SLC8A1: variants seen among roughly 807,000 people sequenced by gnomAD.
SLC8A1 encodes the protein sodium/calcium exchanger 1.
In SLC8A1, 18 loss-of-function variants were observed where a neutral mutation model predicts 68.3. The observed-to-expected ratio is 0.26, with a 90% CI of 0.18 to 0.39. SLC8A1 has a LOEUF of 0.39. SLC8A1 is among the 10% of genes least tolerant of loss of function. The pLI, the probability that SLC8A1 is intolerant of heterozygous loss-of-function variation, is 1.00. For missense variants in SLC8A1, 985 were observed against 1,156.7 expected (o/e 0.85, Z 2.15); for synonymous variants, 475 against 415.5 (o/e 1.14, Z -1.74).
exon 8 of SLC8A1, chr2:40,098,186 TTGATATTTCCCCACAGGAATATGGC>T (rs1558378011): frequency 6.6e-6 from 1 of 152,068 alleles, no homozygotes; most frequent in Non-Finnish European, 1.5e-5. Flanking sequence ...GTCAGTAAGA[TTGATATTTCCCCACAGGAATATGGC>T]TGAGTGTACA....
intron 6 of SLC8A1, among the ~76,000 whole-genome samples, chr2:40,141,485 T>G (rs1223860505): frequency 6.6e-6 from 1 of 152,182 alleles, no homozygotes; most frequent in Non-Finnish European, 1.5e-5. Flanking sequence ...GATAAACTGC[T>G]GGGAGAAGCC....
intron 2 of SLC8A1, among the ~76,000 whole-genome samples, chr2:40,325,113 G>GAA (rs147527976): frequency 1.4e-5 from 2 of 144,442 alleles, no homozygotes; most frequent in African/African-American, 2.5e-5. Flanking sequence ...AGTCTGTAGA[G>GAA]AAAAAAAAAA....
At position 40,269,316 on chromosome 2, in the gene SLC8A1, T is replaced by C. The variant is rs762233539; in HGVS notation, c.1809-91461A>G. 3.9e-5 allele frequency among the ~76,000 whole-genome samples: 6 copies of C among 152,224 alleles called. No individual in the cohort carries two copies. In the South Asian group the frequency reaches 1.0e-3, roughly 26 times the overall value. On this transcript the variant is annotated intron_variant, in intron 2 of 7. Transcript: ENST00000406785. ...TCAGGTCTTATGGTATTAAGGCCAA[T>C]GCTTTTGTACTATCTTACAGTACAC...
chr2:40,497,091 T>C (rs944642785), intron 1 of SLC8A1, among the ~76,000 whole-genome samples: 4 of 152,018 alleles, frequency 2.6e-5, no homozygotes, highest in African/African-American at 9.7e-5. Flanking sequence ...AAAATCTGTT[T>C]AGAATTTAGT....
chr2:40,345,243 C>A (rs561225853), intron 2 of SLC8A1, among the ~76,000 whole-genome samples: 13 of 152,170 alleles, frequency 8.5e-5, no homozygotes, highest in Non-Finnish European at 1.6e-4. Context: ...CACTAGGGGC[C>A]CTGCTGCTCC....
At chr2:40,123,066 A>G (rs554826329) in intron 7 of SLC8A1, 109 of 152,308 alleles carry the variant, frequency 7.2e-4, no homozygotes, top group African/African-American at 2.5e-3. Context: ...CTGTAATTGG[A>G]GTCATGTTCT....
intron 2 of SLC8A1, among the ~76,000 whole-genome samples, chr2:40,263,336 CA>C (rs1337834610): frequency 6.6e-6 from 1 of 152,056 alleles, no homozygotes; most frequent in African/African-American, 2.4e-5. Context: ...AGCTGTAATT[CA>C]ATTGGAAAAA....
At chr2:40,119,662 T>C (rs2036332517) in intron 7 of SLC8A1, among the ~76,000 whole-genome samples, 1 of 152,216 alleles carries the variant, frequency 6.6e-6, no homozygotes, top group South Asian at 2.1e-4. Context: ...ATAAAAACTT[T>C]TATATATGGA....
intron 2 of SLC8A1, among the ~76,000 whole-genome samples, chr2:40,289,815 C>T (rs527696286): frequency 1.3e-5 from 2 of 151,812 alleles, no homozygotes; most frequent in South Asian, 2.1e-4. Context: ...GAGCCGAGAT[C>T]GTGCCACTGC....
At chr2:40,293,764 G>C (rs1411898892) in intron 2 of SLC8A1, among the ~76,000 whole-genome samples, 2 of 152,264 alleles carry the variant, frequency 1.3e-5, no homozygotes, top group South Asian at 4.1e-4. Context: ...ACTGCTATCA[G>C]TGCAGAGGCA....
At chr2:40,216,073 C>A (rs758019615) in intron 2 of SLC8A1, among the ~76,000 whole-genome samples, 1 of 149,412 alleles carries the variant, frequency 6.7e-6, no homozygotes, top group South Asian at 2.1e-4. Context: ...ATGTGCAGAA[C>A]GTGCAAGTTT....
At chr2:40,468,506 T>G (rs1703822759) in intron 1 of SLC8A1, among the ~76,000 whole-genome samples, 1 of 152,170 alleles carries the variant, frequency 6.6e-6, no homozygotes, top group South Asian at 2.1e-4. Context: ...TTTAGATTAT[T>G]ACAATTCTCT....
intron 2 of SLC8A1, among the ~76,000 whole-genome samples, chr2:40,331,241 T>C (rs2076375360): frequency 6.6e-6 from 1 of 152,222 alleles, no homozygotes; most frequent in Non-Finnish European, 1.5e-5. Flanking sequence ...AATAAATGTG[T>C]CTTATCATTA....
At chr2:40,443,088 A>T (rs901094906) in intron 1 of SLC8A1, among the ~76,000 whole-genome samples, 1 of 151,824 alleles carries the variant, frequency 6.6e-6, no homozygotes, top group Admixed American at 6.6e-5. Flanking sequence ...GGAACAACAC[A>T]CACTGGGGCT....
At chr2:40,177,616 A>G in intron 3 of SLC8A1, 1 of 547,690 alleles carries the variant, frequency 1.8e-6, no homozygotes, top group South Asian at 2.7e-5. Context: ...GGGAAATGAA[A>G]TTGCTAAAGC....
chr2:40,392,456 T>C (rs1354030399), intron 2 of SLC8A1, among the ~76,000 whole-genome samples: 41 of 152,110 alleles, frequency 2.7e-4, no homozygotes, highest in Non-Finnish European at 1.5e-5. Context: ...AACATAAATA[T>C]TTAGGCTCAT....
intron 2 of SLC8A1, among the ~76,000 whole-genome samples, chr2:40,317,279 T>C (rs925880147): frequency 1.7e-4 from 26 of 152,056 alleles, no homozygotes; most frequent in African/African-American, 6.3e-4. Context: ...ACTTCTCAGA[T>C]TGATGCAAGG....
At chr2:40,312,290 A>G (rs1301969547) in intron 2 of SLC8A1, among the ~76,000 whole-genome samples, 1 of 152,132 alleles carries the variant, frequency 6.6e-6, no homozygotes, top group Non-Finnish European at 1.5e-5. Flanking sequence ...AAGCTACAAT[A>G]GATCATGATT....
chr2:40,143,605 A>G lies in SLC8A1; in HGVS notation c.2162-3929T>C, dbSNP rs73927128. Among the ~76,000 whole-genome samples the G allele has an allele frequency of 4.0e-3, 606 of 152,260 alleles. 4 individuals are homozygous for G. The highest frequency in any genetic ancestry group is 0.014 in the African/African-American group (567 of 41,550). ...CTGATACACACTGGACTTCTTAAAT[A>G]TAACTACAAAAGTAACCAAATCATT... On this transcript the variant is annotated intron_variant, in intron 6 of 7. Coordinates refer to ENST00000406785, the Ensembl canonical transcript of SLC8A1.
Sources: gnomAD v4.1 joint callset for allele counts (sites outside exome capture counted in the v4.1 genomes callset) on GRCh38, gnomAD v4.1.1 for gene constraint, MANE v1.5 for transcripts, NCBI Gene and HGNC (gene_info 2026-07-23, HGNC 2026-07-21) for gene names.